SAMD12: variants seen among roughly 807,000 people sequenced by gnomAD.
SAMD12 encodes sterile alpha motif domain containing 12.
Under a neutral mutation model 15.0 loss-of-function variants are expected in SAMD12, and 9 were observed. The ratio of observed to expected loss-of-function variants is 0.60; its 90% CI spans 0.36 to 1.05. SAMD12 has a LOEUF of 1.05. Ranked by LOEUF, SAMD12 falls within the 50% of genes least tolerant of loss-of-function variation. The pLI, the probability that SAMD12 is intolerant of heterozygous loss-of-function variation, is 0.01. For missense variants in SAMD12, 230 were observed against 234.2 expected, an observed-to-expected ratio of 0.98 and a Z score of 0.12; for synonymous variants, 86 against 90.1, an observed-to-expected ratio of 0.96 and a Z score of 0.25.
At chr8:118,450,651 T>C (rs1586727746) in intron 2 of SAMD12, among the ~76,000 whole-genome samples, 1 of 152,324 alleles carries the variant, frequency 6.6e-6, no homozygotes. Context: ...ATGTGGTAGA[T>C]TGATGACAAA....
intron 4 of SAMD12, among the ~76,000 whole-genome samples, chr8:118,348,681 C>T (rs951614045): frequency 6.6e-6 from 1 of 152,320 alleles, no homozygotes; most frequent in Admixed American, 6.5e-5. Flanking sequence ...CCGCTTATTA[C>T]TTTTTTAAAA....
At chr8:118,297,146 G>T (rs1814755448) in intron 4 of SAMD12, among the ~76,000 whole-genome samples, 1 of 152,092 alleles carries the variant, frequency 6.6e-6, no homozygotes, top group South Asian at 2.1e-4. Context: ...CCTCCATATG[G>T]ATGTATTCAA....
intron 2 of SAMD12, among the ~76,000 whole-genome samples, chr8:118,451,769 T>C (rs933461510): frequency 2.0e-5 from 3 of 152,018 alleles, no homozygotes; most frequent in African/African-American, 7.3e-5. Flanking sequence ...TAGGGGGTGG[T>C]CTATACAAAG....
chr8:118,252,975 A>C (rs538572636), intron 4 of SAMD12, among the ~76,000 whole-genome samples: 1 of 152,272 alleles, frequency 6.6e-6, no homozygotes, highest in African/African-American at 2.4e-5. Context: ...ACTGCTGAGA[A>C]GTGGTGAGGG....
At chr8:118,509,790 A>G (rs534801405) in intron 2 of SAMD12, among the ~76,000 whole-genome samples, 1 of 152,336 alleles carries the variant, frequency 6.6e-6, no homozygotes, top group South Asian at 2.1e-4. Flanking sequence ...TGTGTCCTAA[A>G]TATCCAACAC....
intron 2 of SAMD12, among the ~76,000 whole-genome samples, chr8:118,537,167 T>C (rs1825868260): frequency 6.6e-6 from 1 of 152,206 alleles, no homozygotes; most frequent in Admixed American, 6.5e-5. Context: ...AGCTCCTTTT[T>C]ATATTATTTG....
intron 4 of SAMD12, among the ~76,000 whole-genome samples, chr8:118,333,975 CTGTGTG>C (rs777240048): frequency 1.4e-5 from 2 of 144,670 alleles, no homozygotes; most frequent in Admixed American, 7.0e-5. Flanking sequence ...AGGGGTGTGT[CTGTGTG>C]TGTGTGTGTG....
chr8:118,572,039 C>A (rs985215003), intron 2 of SAMD12, among the ~76,000 whole-genome samples: 1 of 152,186 alleles, frequency 6.6e-6, no homozygotes, highest in African/African-American at 2.4e-5. Context: ...GCTGTACATG[C>A]AAACCCACAG....
chr8:118,498,752 A>G (rs771519366), intron 2 of SAMD12, among the ~76,000 whole-genome samples: 2 of 152,246 alleles, frequency 1.3e-5, no homozygotes, highest in African/African-American at 2.4e-5. Context: ...AGTTCACATT[A>G]AAATAAAAGT....
intron 2 of SAMD12, among the ~76,000 whole-genome samples, chr8:118,574,726 A>G (rs1827106060): frequency 6.6e-6 from 1 of 152,186 alleles, no homozygotes; most frequent in South Asian, 2.1e-4. Flanking sequence ...CTCACATAGC[A>G]TGAAGTCATA....
the SAMD12 span, among the ~76,000 whole-genome samples, chr8:118,133,845 A>AT: frequency 6.6e-6 from 1 of 152,224 alleles, no homozygotes; most frequent in Non-Finnish European, 1.5e-5. Context: ...CCCATAAAAA[A>AT]TTATTCTCCA....
chr8:118,327,466 A>G lies in SAMD12; in HGVS notation c.433+52094T>C, dbSNP rs114833583. Among the ~76,000 whole-genome samples, 872 of 152,276 alleles carry G rather than the reference A, an allele frequency of 5.7e-3. 5 individuals are homozygous for G. Among genetic ancestry groups the G allele is most frequent in the African/African-American group, 0.02 (833 of 41,552 alleles). ...TACCCTATAAACAGGTGTCAATTAA[A>G]CCATTAGTTACTCCACATGGGATTG... On this transcript the variant is annotated intron_variant, in intron 4 of 4. Transcript: ENST00000409003.
the SAMD12 span, among the ~76,000 whole-genome samples, chr8:118,161,364 G>T: frequency 1.3e-4 from 19 of 151,734 alleles, no homozygotes; most frequent in African/African-American, 4.6e-4. Flanking sequence ...TGGGAGGATC[G>T]CTTGAACCCA....
At chr8:118,340,504 C>T (rs1817304236) in intron 4 of SAMD12, among the ~76,000 whole-genome samples, 1 of 152,144 alleles carries the variant, frequency 6.6e-6, no homozygotes, top group East Asian at 1.9e-4. Flanking sequence ...CGCAGTGGCT[C>T]ATGCCTGTAA....
intron 2 of SAMD12, among the ~76,000 whole-genome samples, chr8:118,546,449 C>T (rs968928812): frequency 7.2e-5 from 11 of 151,940 alleles, no homozygotes; most frequent in Non-Finnish European, 1.2e-4. Context: ...AGGGGCCCAC[C>T]GGGAGGGGAG....
chr8:118,509,338 A>G (rs997075840), intron 2 of SAMD12, among the ~76,000 whole-genome samples: 1 of 152,220 alleles, frequency 6.6e-6, no homozygotes, highest in Admixed American at 6.5e-5. Flanking sequence ...ATCTAAGTTG[A>G]TTAAACTCAC....
intron 4 of SAMD12, among the ~76,000 whole-genome samples, chr8:118,237,373 T>C (rs1226737922): frequency 1.3e-5 from 2 of 152,206 alleles, no homozygotes; most frequent in Non-Finnish European, 2.9e-5. Flanking sequence ...GTTATTGTTA[T>C]AACTATGACT....
chr8:118,496,398 G>A (rs912226156), intron 2 of SAMD12, among the ~76,000 whole-genome samples: 14 of 152,046 alleles, frequency 9.2e-5, no homozygotes, highest in Admixed American at 3.3e-4. Context: ...ACATGTTAGC[G>A]AACCCAGAAA....
At chr8:118,476,716 T>C (rs1449198263) in intron 2 of SAMD12, among the ~76,000 whole-genome samples, 1 of 152,182 alleles carries the variant, frequency 6.6e-6, no homozygotes, top group Non-Finnish European at 1.5e-5. Context: ...AACATGACAA[T>C]AGTAGGCATG....
Sources: allele counts gnomAD v4.1 joint callset (sites outside exome capture counted in the v4.1 genomes callset), GRCh38; gene constraint gnomAD v4.1.1; transcripts MANE v1.5; gene names NCBI Gene and HGNC (gene_info 2026-07-23, HGNC 2026-07-21).